The following NRXN2 variants were observed in gnomAD, a reference collection of about 807,000 sequenced individuals.
NRXN2 encodes neurexin 2.
In NRXN2, 29 loss-of-function variants were observed where a neutral mutation model predicts 128.8. That is an observed-to-expected ratio of 0.23 (90% CI 0.17 to 0.31). The LOEUF is 0.31. NRXN2 is among the 10% of genes least tolerant of loss of function. The pLI, the probability that NRXN2 is intolerant of heterozygous loss-of-function variation, is 1.00. For synonymous variants in NRXN2, 1,098 were observed against 1,075.2 expected (o/e 1.02, Z -0.41); for missense variants, 1,881 against 2,452.6 (o/e 0.77, Z 4.92).
At chr11:64,707,360 C>G (rs2056447339) in intron 2 of NRXN2, among the ~76,000 whole-genome samples, 1 of 149,480 alleles carries the variant, frequency 6.7e-6, no homozygotes, top group African/African-American at 2.5e-5. Context: ...GTACTCCAGC[C>G]TTGGAGACAG....
At chr11:64,633,708 C>T (rs1332281117) in intron 18 of NRXN2, among the ~76,000 whole-genome samples, 1 of 152,160 alleles carries the variant, frequency 6.6e-6, no homozygotes, top group African/African-American at 2.4e-5. Flanking sequence ...CTGTCTTCAT[C>T]CCCCACTGTC....
At position 64,713,790 on chromosome 11, in the gene NRXN2, C is replaced by T. The variant is rs1391743533; in HGVS notation, c.-91G>A. 1 of 755,288 alleles carries T rather than the reference C, an allele frequency of 1.3e-6. No homozygotes were observed. The highest frequency in any genetic ancestry group is 1.6e-6 in the Non-Finnish European group (1 of 615,440). The allele number at this position is 755,288 out of a possible 1,614,324, so 46.8% of individuals were successfully genotyped here. On this transcript the variant is annotated 5_prime_UTR_variant, in exon 2 of 23. Transcript: ENST00000265459. Reference sequence around the variant, plus strand: ...TGGGGCGGGAGGGGGCCGGGCGCTCCCCGCGCTGAGCGGGGCTCCCTTGCA... The same window carrying T: ...TGGGGCGGGAGGGGGCCGGGCGCTCTCCGCGCTGAGCGGGGCTCCCTTGCA...
chr11:64,706,376 A>G (rs1450412625), intron 2 of NRXN2, among the ~76,000 whole-genome samples: 3 of 145,586 alleles, frequency 2.1e-5, no homozygotes, highest in African/African-American at 7.7e-5. Context: ...CCTGTGTCCA[A>G]GTGTTCTCAT....
At chr11:64,612,110 C>T (rs111974056) in intron 22 of NRXN2, among the ~76,000 whole-genome samples, 3,665 of 152,312 alleles carry the variant, frequency 0.024, 63 homozygotes, top group Non-Finnish European at 0.038. Flanking sequence ...ATCAAGTCAC[C>T]TAACGTAGGG....
Position 64,713,010 on chromosome 11 carries a change from G to T in NRXN2, c.690C>A (p.Asp230Glu). The T allele has an allele frequency of 2.7e-6, 4 of 1,487,328 alleles. No homozygotes were observed. The highest frequency in any genetic ancestry group is 3.6e-6 in the Non-Finnish European group (4 of 1,122,942). The allele number at this position is 1,487,328 out of a possible 1,614,324, so 92.1% of individuals were successfully genotyped here. ...TVLAPGEVGCDCSHTGFGGKF... is the reference protein window; with the variant it reads ...TVLAPGEVGCECSHTGFGGKF... ...TGCCGCCGAAGCCCGTGTGGCTGCAGTCGCAGCCCACCTCGCCGGGGGCCA... is the reference window on the plus strand; with the variant it reads ...TGCCGCCGAAGCCCGTGTGGCTGCATTCGCAGCCCACCTCGCCGGGGGCCA... Residue 230 changes from aspartate (D) to glutamate (E), a missense_variant, in exon 2 of 23, where the codon GAC (aspartate) becomes GAA (glutamate). By Grantham distance (45) the Asp-to-Glu change is conservative. This residue lies in a region of NRXN2 where 997 missense variants were observed against 1,240.8 expected (regional missense o/e 0.80). Coordinates refer to ENST00000265459, the MANE Select transcript of NRXN2 (RefSeq NM_015080.4).
intron 2 of NRXN2, among the ~76,000 whole-genome samples, chr11:64,705,937 C>T (rs938497801): frequency 1.4e-5 from 2 of 146,238 alleles, no homozygotes; most frequent in African/African-American, 5.1e-5. Flanking sequence ...TTCCTTGCCA[C>T]TCCCCAAGAC....
At chr11:64,608,240 G>C (rs1440042507) in intron 22 of NRXN2, among the ~76,000 whole-genome samples, 158 bp from the exon 23 acceptor site, 11 of 152,222 alleles carry the variant, frequency 7.2e-5, no homozygotes, top group Non-Finnish European at 1.6e-4. Flanking sequence ...CCAGCCGGCC[G>C]AGCACTGCGC....
rs368398727 is a variant in NRXN2, at chr11:64,652,172, G to T, written c.2417-18C>A. ...GCCTTTACCTGCGGCACCAAGGGGG[G>T]AATGAGGAGGGCACCTATACATGCT... On this transcript the variant is annotated intron_variant, in intron 12 of 22. Transcript: ENST00000265459. 4 of 1,607,348 alleles carry T rather than the reference G, an allele frequency of 2.5e-6. No individual in the cohort carries two copies. Among genetic ancestry groups the T allele is most frequent in the Non-Finnish European group, 2.5e-6 (3 of 1,178,606 alleles).
At position 64,685,900 on chromosome 11, in the gene NRXN2, A is replaced by T; in HGVS notation, c.898T>A (p.Tyr300Asn). ...TGGATGGGGTTGTGTGACAGGTCGTAGCAGAAGAACTCATTGCCTTTGAAG... is the reference window on the plus strand; with the variant it reads ...TGGATGGGGTTGTGTGACAGGTCGTTGCAGAAGAACTCATTGCCTTTGAAG... ...ATFKGNEFFC[Y>N]DLSHNPIQSS... is the part of the protein sequence containing the mutation. The change falls in exon 6 of 23, where the codon TAC becomes AAC. Residue 300 changes from tyrosine (Y) to asparagine (N), a missense_variant. Physicochemically the swap from Tyr to Asn is moderately radical, Grantham distance 143 (BLOSUM62 -2). This residue lies in a region of NRXN2 where 997 missense variants were observed against 1,240.8 expected (regional missense o/e 0.80). Transcript: ENST00000265459. The T allele has an allele frequency of 6.2e-7, 1 of 1,614,186 alleles. No homozygotes were observed. The highest frequency in any genetic ancestry group is 8.5e-7 in the Non-Finnish European group (1 of 1,180,036).
chr11:64,712,885 G>A (rs1406709179), intron 2 of NRXN2, 85 bp downstream of exon 2: 8 of 1,220,014 alleles, frequency 6.6e-6, no homozygotes, highest in South Asian at 5.5e-5. Context: ...TGCCTCAGGA[G>A]CCCACACACA....
chr11:64,638,612 G>T (rs2045186193), intron 17 of NRXN2, among the ~76,000 whole-genome samples: 1 of 152,212 alleles, frequency 6.6e-6, no homozygotes, highest in African/African-American at 2.4e-5. Flanking sequence ...GAACCTGACA[G>T]GCTCCAGAAA....
chr11:64,720,036 C>T (rs1477601225), intron 1 of NRXN2, among the ~76,000 whole-genome samples: 2 of 152,210 alleles, frequency 1.3e-5, no homozygotes, highest in Admixed American at 1.3e-4. Flanking sequence ...ACTATCATTG[C>T]CATCATTGTC....
At chr11:64,678,093 CTGTTTT>C (rs1009667532) in intron 6 of NRXN2, among the ~76,000 whole-genome samples, 8 of 152,084 alleles carry the variant, frequency 5.3e-5, no homozygotes, top group African/African-American at 9.7e-5. Flanking sequence ...GGCAGCTCCT[CTGTTTT>C]TGTTTTTGTT....
rs1053452033 is a variant in NRXN2, at chr11:64,606,800, C to T, written c.*396G>A. ...GGGAAGAGAAGGAAGGCAGGAGGGA[C>T]AGAAGGAAGAAGAAGAAAAATTGAG... On this transcript the variant is annotated 3_prime_UTR_variant, in exon 23 of 23. Transcript: ENST00000265459. 4 of 200,928 alleles carry T rather than the reference C, an allele frequency of 2.0e-5. No homozygotes were observed. Among genetic ancestry groups the T allele is most frequent in the Non-Finnish European group, 4.1e-5 (4 of 97,700 alleles). The allele number at this position is 200,928 out of a possible 1,614,324, so 12.4% of individuals were successfully genotyped here. A position where few individuals can be genotyped will look rare whatever the true frequency, so the allele number is the denominator to read the frequency against.
intron 6 of NRXN2, 137 bp downstream of exon 6, chr11:64,685,509 A>C: frequency 1.7e-6 from 2 of 1,173,860 alleles, no homozygotes; most frequent in South Asian, 2.5e-5. Flanking sequence ...CACAGCCCCA[A>C]CTCCTGTTCT....
chr11:64,638,831 C>T (rs1049654677), intron 17 of NRXN2, among the ~76,000 whole-genome samples: 10 of 152,102 alleles, frequency 6.6e-5, no homozygotes, highest in Admixed American at 1.3e-4. Context: ...CACCTTCTGC[C>T]CATGTCCAAT....
chr11:64,716,958 G>C (rs1193761653), intron 1 of NRXN2, among the ~76,000 whole-genome samples: 1 of 151,832 alleles, frequency 6.6e-6, no homozygotes, highest in Non-Finnish European at 1.5e-5. Flanking sequence ...CTCCCACCCA[G>C]GCCAAGGCTG....
chr11:64,620,212 G>T, intron 22 of NRXN2, 82 bp downstream of exon 22: 1 of 1,135,562 alleles, frequency 8.8e-7, no homozygotes, highest in Non-Finnish European at 1.3e-6. Context: ...CTGGGGCTTG[G>T]GCCAGGTGGC....
chr11:64,668,400 AG>A, intron 8 of NRXN2, 42 bp downstream of exon 8: 1 of 1,608,546 alleles, frequency 6.2e-7, no homozygotes. Context: ...CAGGAGACAA[AG>A]GGCTCCTGAA....
Sources: gnomAD v4.1 joint callset for allele counts (sites outside exome capture counted in the v4.1 genomes callset) on GRCh38, gnomAD v4.1.1 for gene constraint, gnomAD v4.1.1 regional missense constraint, MANE v1.5 for transcripts, NCBI Gene and HGNC (gene_info 2026-07-23, HGNC 2026-07-21) for gene names.